Variants in OR52N1 observed in about 807,000 individuals in gnomAD.
OR52N1 encodes the protein olfactory receptor 52N1.
OR52N1 carries 11 observed loss-of-function variants against 13.9 expected under a neutral mutation model. That is an observed-to-expected ratio of 0.79 (90% CI 0.50 to 1.31). The LOEUF (loss-of-function observed/expected upper bound fraction) is 1.31, where lower values mean the gene tolerates loss of function less well. OR52N1 is among the 40% of genes most tolerant of loss of function. The pLI, the probability that OR52N1 is intolerant of heterozygous loss-of-function variation, is 0.00. For synonymous variants in OR52N1, 142 were observed against 143.7 expected (o/e 0.99, Z 0.08); for missense variants, 414 against 397.7 (o/e 1.04, Z -0.35).
intron 1 of OR52N1, among the ~76,000 whole-genome samples, chr11:5,790,858 T>C (rs536503815): frequency 6.6e-6 from 1 of 152,238 alleles, no homozygotes; most frequent in South Asian, 2.1e-4. Context: ...ATACATAGTT[T>C]GCAAAAATGT....
In OR52N1 at chr11:5,788,504, A is replaced by G. The variant is rs975849299; in HGVS notation, c.313T>C (p.Phe105Leu). 1 of 1,614,046 alleles carries G rather than the reference A, an allele frequency of 6.2e-7. No homozygotes were observed. Among genetic ancestry groups the G allele is most frequent in the African/African-American group, 1.3e-5 (1 of 75,042 alleles). ...TCCATCCCTGTGAAGGTGTGCACAA[A>G]GAACATCTGGGCGAGGCAGGCTTTA... Reference protein sequence around the residue: ...DFKACLAQMFFVHTFTGMESG... With the variant: ...DFKACLAQMFLVHTFTGMESG... Residue 105 changes from phenylalanine to leucine, a missense_variant, in exon 2 of 2, where the codon TTT (phenylalanine) becomes CTT (leucine). Coordinates refer to ENST00000641645, the MANE Select transcript of OR52N1 (RefSeq NM_001001913.2).
In OR52N1 at chr11:5,787,624, A is replaced by G. The variant is rs1854606241; in HGVS notation, c.*230T>C. 1 of 354,796 alleles carries G rather than the reference A, an allele frequency of 2.8e-6. No homozygotes were observed. The allele number at this position is 354,796 out of a possible 1,614,324, so 22.0% of individuals were successfully genotyped here. ...AGAAGATGATGTCTGTGAAGATTAA[A>G]TGCAGTGAACTTCGAAGTCCTCTAT... On this transcript the variant is annotated 3_prime_UTR_variant, in exon 2 of 2. Transcript: ENST00000641645.
At chr11:5,790,940 G>A (rs1260382463) in intron 1 of OR52N1, among the ~76,000 whole-genome samples, 171 bp downstream of exon 1, 4 of 151,972 alleles carry the variant, frequency 2.6e-5, no homozygotes, top group Non-Finnish European at 5.9e-5. Context: ...CCATAGGAGG[G>A]AGAGAATCAG....
rs147594592 is a variant in OR52N1 at position 5,788,594 on chromosome 11, T to C, written c.223A>G (p.Met75Val). The change falls in exon 2 of 2, where the codon ATG (methionine) becomes GTG (valine). Residue 75 changes from methionine to valine, a missense_variant. Coordinates refer to ENST00000641645, the MANE Select transcript of OR52N1 (RefSeq NM_001001913.2). Reference sequence around the variant, plus strand: ...GTGTTGGGAAGGGTGCTGGTGCACATGAGCACATCTGTGAAGGAAAGAAGG... The same window carrying C: ...GTGTTGGGAAGGGTGCTGGTGCACACGAGCACATCTGTGAAGGAAAGAAGG... ...LALLSFTDVL[M>V]CTSTLPNTLF... is the part of the protein sequence containing the mutation. 66 of 1,613,832 alleles carry C rather than the reference T, an allele frequency of 4.1e-5. 1 individual carries two copies. The African/African-American group carries it at 7.2e-4, about 18-fold the overall frequency.
At position 5,788,461 on chromosome 11, in the gene OR52N1, A is replaced by G; in HGVS notation, c.356T>C (p.Leu119Pro). 6.2e-7 allele frequency: 1 copy of G among 1,614,088 alleles called. No individual in the cohort carries two copies. Among genetic ancestry groups the G allele is most frequent in the Non-Finnish European group, 8.5e-7 (1 of 1,179,972 alleles). Residue 119 changes from leucine (L) to proline (P), a missense_variant, in exon 2 of 2, where the codon CTC becomes CCC. Leu to Pro is a moderately conservative substitution (Grantham distance 98). Coordinates refer to ENST00000641645, the MANE Select transcript of OR52N1 (RefSeq NM_001001913.2). ...GGCCACACAGTGGTCCAGGGCCATG[A>G]GCATGAGCACCCCAGACTCCATCCC... The part of the protein sequence containing the change: ...FTGMESGVLM[L>P]MALDHCVAIC...
chr11:5,788,928 A>T, intron 1 of OR52N1, 68 bp from the exon 2 acceptor site: 4 of 1,201,382 alleles, frequency 3.3e-6, no homozygotes, highest in Non-Finnish European at 4.6e-6. Flanking sequence ...CTTTCCCATA[A>T]TGGCTATTTT....
In OR52N1 at chr11:5,787,792, G is replaced by A; in HGVS notation, c.*62C>T. ...GGCCAGATTTCTGGTGTCATTTAAA[G>A]AGCTCCCTATTGACTTGGTGATCTC... On this transcript the variant is annotated 3_prime_UTR_variant, in exon 2 of 2. Coordinates refer to ENST00000641645, the MANE Select transcript of OR52N1 (RefSeq NM_001001913.2). 1 of 1,299,398 alleles carries A rather than the reference G, an allele frequency of 7.7e-7. No homozygotes were observed. Among genetic ancestry groups the A allele is most frequent in the Admixed American group, 2.4e-5 (1 of 40,932 alleles). The allele number at this position is 1,299,398 out of a possible 1,614,324, so 80.5% of individuals were successfully genotyped here. A position where few individuals can be genotyped will look rare whatever the true frequency, so the allele number is the denominator to read the frequency against.
chr11:5,790,410 A>T (rs572348360), intron 1 of OR52N1, among the ~76,000 whole-genome samples: 1 of 152,176 alleles, frequency 6.6e-6, no homozygotes, highest in Non-Finnish European at 1.5e-5. Flanking sequence ...TCACAGAAAA[A>T]ATTCTTTTCT....
In OR52N1 at chr11:5,788,864, T is replaced by C; in HGVS notation, c.-44-4A>G. The C allele has an allele frequency of 7.0e-7, 1 of 1,418,532 alleles. No individual in the cohort carries two copies. The highest frequency in any genetic ancestry group is 1.3e-5 in the South Asian group (1 of 74,468). The allele number at this position is 1,418,532 out of a possible 1,614,324, so 87.9% of individuals were successfully genotyped here. ...TATAGCAGTTATAGCATTGCCTCTG[T>C]GAGCAGGAAATAAAAAAAAGAGTAA... On this transcript the variant is annotated splice_polypyrimidine_tract_variant and splice_region_variant and intron_variant, in intron 1 of 1. Transcript: ENST00000641645.
intron 1 of OR52N1, among the ~76,000 whole-genome samples, chr11:5,790,711 T>C (rs986750437): frequency 1.3e-5 from 2 of 152,130 alleles, no homozygotes; most frequent in Non-Finnish European, 2.9e-5. Flanking sequence ...GTTGAGCTTT[T>C]TCTCATATGA....
Position 5,786,550 on chromosome 11 carries a change from G to A in OR52N1, c.*1304C>T, listed in dbSNP as rs899132156. ...TGGTTTTTTGTCCTTGCGATAGTTT[G>A]CTGAGAATGATGGTTTCCAGCTTCA... On this transcript the variant is annotated 3_prime_UTR_variant, in exon 2 of 2. Coordinates refer to ENST00000641645, the MANE Select transcript of OR52N1 (RefSeq NM_001001913.2). The A allele has an allele frequency of 7.4e-6, 1 of 134,634 alleles. No homozygotes were observed. Among genetic ancestry groups the A allele is most frequent in the Non-Finnish European group, 1.6e-5 (1 of 61,752 alleles). 8.3% of individuals were successfully genotyped at this position (134,634 alleles called of 1,614,324 possible).
chr11:5,787,929 C>T lies in OR52N1; in HGVS notation c.888G>A (p.Gly296=). ...MPPTMNPIVY[G]VKTRQVRESV... ...TTTCTCGTACCTGCCTGGTTTTCAC[C>T]CCATACACAATAGGGTTCATTGTGG... Residue 296 remains glycine (G), a synonymous_variant, in exon 2 of 2, where the codon GGG becomes GGA. Coordinates refer to ENST00000641645, the MANE Select transcript of OR52N1 (RefSeq NM_001001913.2). The T allele has an allele frequency of 6.6e-7, 1 of 1,518,150 alleles. No individual in the cohort carries two copies. Among genetic ancestry groups the T allele is most frequent in the Non-Finnish European group, 9.0e-7 (1 of 1,112,380 alleles). 94.0% of individuals were successfully genotyped at this position (1,518,150 alleles called of 1,614,324 possible).
In OR52N1 at chr11:5,787,417, G is replaced by A. The variant is rs1454534706; in HGVS notation, c.*437C>T. 3 of 135,668 alleles carry A rather than the reference G, an allele frequency of 2.2e-5. No individual in the cohort carries two copies. The highest frequency in any genetic ancestry group is 9.1e-5 in the African/African-American group (3 of 33,046). 8.4% of individuals were successfully genotyped at this position (135,668 alleles called of 1,614,324 possible). ...ATAGATATACAGCTGGCAAACTTGGGATAGAAGCAGAATAAACTCTAAGTG... is the reference window on the plus strand; with the variant it reads ...ATAGATATACAGCTGGCAAACTTGGAATAGAAGCAGAATAAACTCTAAGTG... On this transcript the variant is annotated 3_prime_UTR_variant, in exon 2 of 2. Coordinates refer to ENST00000641645, the MANE Select transcript of OR52N1 (RefSeq NM_001001913.2).
At chr11:5,790,101 A>G (rs1339928942) in intron 1 of OR52N1, among the ~76,000 whole-genome samples, 1 of 152,082 alleles carries the variant, frequency 6.6e-6, no homozygotes, top group East Asian at 1.9e-4. Context: ...ATCAATATTG[A>G]TATTTATAGT....
Position 5,791,125 on chromosome 11 carries a change from G to C in OR52N1, c.-59C>G, listed in dbSNP as rs1219240851. The C allele has an allele frequency of 9.2e-5, 14 of 151,952 alleles. No homozygotes were observed. 9.4% of individuals were successfully genotyped at this position (151,952 alleles called of 1,614,324 possible). ...AATCTGCTTACCCTGAAAACTACCGGAGTTCCTCAAGAAACTGAAGACCTA... is the reference window on the plus strand; with the variant it reads ...AATCTGCTTACCCTGAAAACTACCGCAGTTCCTCAAGAAACTGAAGACCTA... On this transcript the variant is annotated 5_prime_UTR_variant, in exon 1 of 2. Transcript: ENST00000641645.
At position 5,788,157 on chromosome 11, in the gene OR52N1, G is replaced by GTAGGAGAT. The variant is rs1345093854; in HGVS notation, c.652_659dup (p.Tyr220Ter). ...TCACAACTGCTTGAAGAATCATAGT[G>GTAGGAGAT]TAGGAGATTGTAATGCACAGGATAT... is the stretch of plus-strand genomic sequence containing the variant. On this transcript the variant is annotated stop_gained and frameshift_variant, in exon 2 of 2. Transcript: ENST00000641645. LOFTEE classifies it high-confidence loss of function. The GTAGGAGAT allele has an allele frequency of 5.0e-6, 8 of 1,613,868 alleles. No homozygotes were observed. Among genetic ancestry groups the GTAGGAGAT allele is most frequent in the Non-Finnish European group, 6.8e-6 (8 of 1,179,972 alleles).
At chr11:5,790,054 T>C (rs1854639016) in intron 1 of OR52N1, among the ~76,000 whole-genome samples, 2 of 152,132 alleles carry the variant, frequency 1.3e-5, no homozygotes, top group Non-Finnish European at 1.5e-5. Flanking sequence ...TAGAAGGATA[T>C]TGGAGGAAAA....
Position 5,788,767 on chromosome 11 carries a change from T to A in OR52N1, c.50A>T (p.Asn17Ile). 2 of 1,610,260 alleles carry A rather than the reference T, an allele frequency of 1.2e-6. No individual in the cohort carries two copies. Among genetic ancestry groups the A allele is most frequent in the Non-Finnish European group, 1.7e-6 (2 of 1,179,744 alleles). Reference sequence around the variant, plus strand: ...CACATCTTCCAAACCAGGGATGCCATTTAGGATGAATGAAGCTGGAGTTAG... The same window carrying A: ...CACATCTTCCAAACCAGGGATGCCAATTAGGATGAATGAAGCTGGAGTTAG... ...TSLTPASFIL[N>I]GIPGLEDVHL... The change falls in exon 2 of 2, where the codon AAT becomes ATT. Residue 17 changes from asparagine to isoleucine, a missense_variant. By Grantham distance (149) the Asn-to-Ile change is moderately radical. Coordinates refer to ENST00000641645, the MANE Select transcript of OR52N1 (RefSeq NM_001001913.2).
intron 1 of OR52N1, among the ~76,000 whole-genome samples, chr11:5,790,695 A>C (rs972750611): frequency 3.9e-5 from 6 of 152,078 alleles, no homozygotes; most frequent in African/African-American, 1.4e-4. Flanking sequence ...CCTAATGATC[A>C]GTGATGTTGA....
Sources: gnomAD v4.1 joint callset for allele counts (sites outside exome capture counted in the v4.1 genomes callset) on GRCh38, gnomAD v4.1.1 for gene constraint, MANE v1.5 for transcripts, NCBI Gene and HGNC (gene_info 2026-07-23, HGNC 2026-07-21) for gene names.